EPHX4: variants seen among roughly 807,000 people sequenced by gnomAD.
EPHX4 encodes abhydrolase domain containing 7.
A neutral mutation model predicts 44.9 loss-of-function variants in EPHX4; 31 were observed. The observed-to-expected ratio is 0.69, with a 90% CI of 0.52 to 0.93. The LOEUF (loss-of-function observed/expected upper bound fraction) is 0.93, where lower values mean the gene tolerates loss of function less well. Ranked by LOEUF, EPHX4 falls within the 40% of genes least tolerant of loss-of-function variation. EPHX4 has a pLI of 0.00. For missense variants in EPHX4, 373 were observed against 438.1 expected, an observed-to-expected ratio of 0.85 and a Z score of 1.33; for synonymous variants, 151 against 159.7, an observed-to-expected ratio of 0.95 and a Z score of 0.41.
intron 3 of EPHX4, among the ~76,000 whole-genome samples, chr1:92,045,292 A>AT (rs777456173): frequency 2.7e-3 from 388 of 144,036 alleles, no homozygotes; most frequent in African/African-American, 6.5e-3. Context: ...CCTATTTCAG[A>AT]TTTTTTTTTT....
chr1:92,030,488 G>GTGTGTGTGTGTGTGTGTGTGTGT, intron 1 of EPHX4, among the ~76,000 whole-genome samples, 178 bp downstream of exon 1: 1 of 131,096 alleles, frequency 7.6e-6, no homozygotes, highest in African/African-American at 2.9e-5. Flanking sequence ...GTGTGTGTGA[G>GTGTGTGTGTGTGTGTGTGTGTGT]AGAGAGAGAG....
chr1:92,047,676 A>G (rs1481044226), intron 4 of EPHX4, among the ~76,000 whole-genome samples: 1 of 152,232 alleles, frequency 6.6e-6, no homozygotes, highest in Non-Finnish European at 1.5e-5. Flanking sequence ...GGTGGTGAAG[A>G]ATAGGATGAC....
chr1:92,055,571 G>T lies in EPHX4; in HGVS notation c.857+2913G>T, dbSNP rs368389569. On this transcript the variant is annotated intron_variant, in intron 6 of 6. Coordinates refer to ENST00000370383, the MANE Select transcript of EPHX4 (RefSeq NM_173567.5). ...TATCAAGCAAGGCAATGGTTAGAAA[G>T]GCAGATAGATTGCAGAGGCTACAGG... 6.4e-4 allele frequency among the ~76,000 whole-genome samples: 97 copies of T among 152,238 alleles called. 3 individuals carry two copies. In the South Asian group the frequency reaches 0.019, roughly 31 times the overall value.
intron 6 of EPHX4, among the ~76,000 whole-genome samples, chr1:92,055,082 A>AAAAACTGTCAATAAAAAAATTT (rs1248633378): frequency 6.6e-6 from 1 of 152,194 alleles, no homozygotes; most frequent in African/African-American, 2.4e-5. Flanking sequence ...ATGATCAGTT[A>AAAAACTGTCAATAAAAAAATTT]AAAACTGTCA....
At chr1:92,049,943 C>T (rs936715912) in intron 4 of EPHX4, among the ~76,000 whole-genome samples, 1 of 151,558 alleles carries the variant, frequency 6.6e-6, no homozygotes, top group African/African-American at 2.4e-5. Flanking sequence ...ACTAAAAATA[C>T]AAAAAATTAG....
At chr1:92,052,484 AATT>A in intron 5 of EPHX4, 23 bp from the exon 6 acceptor site, 1 of 1,562,470 alleles carries the variant, frequency 6.4e-7, no homozygotes, top group Non-Finnish European at 8.7e-7. Context: ...AAAAAGTTTT[AATT>A]ATTGTTTTCT....
intron 2 of EPHX4, among the ~76,000 whole-genome samples, chr1:92,034,320 A>AG (rs1688405675): frequency 6.8e-6 from 1 of 147,190 alleles, no homozygotes; most frequent in Admixed American, 6.8e-5. Flanking sequence ...AAAAAAAAAA[A>AG]GGGTGGTACA....
Position 92,033,200 on chromosome 1 carries a change from C to G in EPHX4, c.317+610C>G, listed in dbSNP as rs544997562. 9.2e-5 allele frequency among the ~76,000 whole-genome samples: 14 copies of G among 151,964 alleles called. No homozygotes were observed. The South Asian group carries it at 2.9e-3, about 32-fold the overall frequency. On this transcript the variant is annotated intron_variant, in intron 2 of 6. Transcript: ENST00000370383. Reference sequence around the variant, plus strand: ...AAAGTGCTGGGATTACAGATGTAAGCCACCACGCCAAGCCTCTTGTAATGA... The same window carrying G: ...AAAGTGCTGGGATTACAGATGTAAGGCACCACGCCAAGCCTCTTGTAATGA...
At chr1:92,050,266 T>C (rs1647224423) in intron 4 of EPHX4, 51 bp from the exon 5 acceptor site, 2 of 1,130,482 alleles carry the variant, frequency 1.8e-6, no homozygotes, top group African/African-American at 3.2e-5. Flanking sequence ...CTTCTAACAG[T>C]AAGTAATTTA....
At chr1:92,031,282 G>A (rs1688356585) in intron 1 of EPHX4, among the ~76,000 whole-genome samples, 1 of 152,144 alleles carries the variant, frequency 6.6e-6, no homozygotes, top group South Asian at 2.1e-4. Flanking sequence ...ATCCATTGCA[G>A]TGCCCATAAC....
intron 6 of EPHX4, among the ~76,000 whole-genome samples, chr1:92,055,594 A>G (rs1647348023): frequency 6.6e-6 from 1 of 152,180 alleles, no homozygotes; most frequent in South Asian, 2.1e-4. Flanking sequence ...CAGAGGCTAC[A>G]GGTTATATTT....
At position 92,030,269 on chromosome 1, in the gene EPHX4, A is replaced by G; in HGVS notation, c.190A>G (p.Ser64Gly). 6.2e-7 allele frequency: 1 copy of G among 1,600,820 alleles called. No homozygotes were observed. Among genetic ancestry groups the G allele is most frequent in the Non-Finnish European group, 8.5e-7 (1 of 1,174,208 alleles). The part of the protein sequence containing the change: ...PAREHPPACL[S>G]DPSLGTHCYV... ...CCGGGAGCACCCTCCCGCGTGCCTG[A>G]GCGACCCCTCCTTGGGCACCCACTG... Residue 64 changes from serine to glycine, a missense_variant, in exon 1 of 7, where the codon AGC becomes GGC. Coordinates refer to ENST00000370383, the MANE Select transcript of EPHX4 (RefSeq NM_173567.5).
chr1:92,031,352 C>T (rs553491415), intron 1 of EPHX4, among the ~76,000 whole-genome samples: 2 of 152,290 alleles, frequency 1.3e-5, no homozygotes, highest in East Asian at 3.9e-4. Flanking sequence ...AGGAAGCCAT[C>T]GTGCAGCTGA....
intron 3 of EPHX4, chr1:92,043,419 C>T (rs1688538448): frequency 6.8e-6 from 1 of 146,088 alleles, no homozygotes; most frequent in African/African-American, 2.6e-5. Context: ...CGTGCCGTTG[C>T]ACTCCAACCT....
At chr1:92,040,782 T>G (rs1688498585) in intron 2 of EPHX4, among the ~76,000 whole-genome samples, 1 of 152,124 alleles carries the variant, frequency 6.6e-6, no homozygotes, top group Non-Finnish European at 1.5e-5. Flanking sequence ...TTGATCTTAC[T>G]GTTGTGTGTC....
Position 92,063,231 on chromosome 1 carries a change from T to G in EPHX4, c.1034T>G (p.Ile345Arg), listed in dbSNP as rs766063198. ...TGGCTTCAGCAAGACCAACCTGACATAGTGAACAAATTGATATGGACATTT... is the reference window on the plus strand; with the variant it reads ...TGGCTTCAGCAAGACCAACCTGACAGAGTGAACAAATTGATATGGACATTT... ...SHWLQQDQPD[I>R]VNKLIWTFLK... Residue 345 changes from isoleucine to arginine, a missense_variant, in exon 7 of 7, where the codon ATA becomes AGA. Coordinates refer to ENST00000370383, the MANE Select transcript of EPHX4 (RefSeq NM_173567.5). 3.7e-6 allele frequency: 6 copies of G among 1,613,596 alleles called. No individual in the cohort carries two copies. The South Asian group carries it at 4.4e-5, about 12-fold the overall frequency.
chr1:92,045,831 G>A (rs1248308673), intron 4 of EPHX4, among the ~76,000 whole-genome samples, 171 bp downstream of exon 4: 1 of 152,026 alleles, frequency 6.6e-6, no homozygotes, highest in African/African-American at 2.4e-5. Context: ...AATCTTCCTG[G>A]GGAATCTAAG....
In EPHX4 at chr1:92,045,566, G is replaced by T; in HGVS notation, c.510G>T (p.Trp170Cys). 1 of 1,613,980 alleles carries T rather than the reference G, an allele frequency of 6.2e-7. No individual in the cohort carries two copies. Among genetic ancestry groups the T allele is most frequent in the Non-Finnish European group, 8.5e-7 (1 of 1,179,958 alleles). The change falls in exon 4 of 7, where the codon TGG (tryptophan) becomes TGT (cysteine). Residue 170 changes from tryptophan (W) to cysteine (C), a missense_variant. Coordinates refer to ENST00000370383, the MANE Select transcript of EPHX4 (RefSeq NM_173567.5). The part of the protein sequence containing the change: ...YSKCVLIGHD[W>C]GGMIAWLIAI... Reference sequence around the variant, plus strand: ...AATGTGTTCTTATTGGCCATGACTGGGGGGGCATGATTGCTTGGCTAATTG... The same window carrying T: ...AATGTGTTCTTATTGGCCATGACTGTGGGGGCATGATTGCTTGGCTAATTG...
At chr1:92,041,313 G>A (rs560103113) in intron 2 of EPHX4, among the ~76,000 whole-genome samples, 68 of 152,296 alleles carry the variant, frequency 4.5e-4, no homozygotes, top group African/African-American at 1.5e-3. Flanking sequence ...GCTTTAGCAA[G>A]CAGAGGTTTA....
Sources: allele counts gnomAD v4.1 joint callset (sites outside exome capture counted in the v4.1 genomes callset), GRCh38; gene constraint gnomAD v4.1.1; transcripts MANE v1.5; gene names NCBI Gene and HGNC (gene_info 2026-07-23, HGNC 2026-07-21).